MIER1: variants seen among roughly 807,000 people sequenced by gnomAD.
The protein encoded by MIER1 is MIER1 transcriptional regulator.
Under a neutral mutation model 75.7 loss-of-function variants are expected in MIER1, and 40 were observed. That is an observed-to-expected ratio of 0.53 (90% CI 0.41 to 0.69). The LOEUF (loss-of-function observed/expected upper bound fraction) is 0.69. Among genes scored for constraint, MIER1 ranks in the 30% least tolerant of loss-of-function variants. MIER1 has a pLI of 0.00. For missense variants in MIER1, 574 were observed against 680.2 expected (o/e 0.84, Z 1.74); for synonymous variants, 213 against 223.4 (o/e 0.95, Z 0.42).
At chr1:66,927,046 G>A (rs1321289841) in intron 2 of MIER1, among the ~76,000 whole-genome samples, 1 of 152,180 alleles carries the variant, frequency 6.6e-6, no homozygotes, top group East Asian at 1.9e-4. Flanking sequence ...ACTGGTTGAA[G>A]TAAGATTGTG....
At chr1:66,943,011 G>C (rs1456030142) in intron 3 of MIER1, among the ~76,000 whole-genome samples, 1 of 152,158 alleles carries the variant, frequency 6.6e-6, no homozygotes, top group African/African-American at 2.4e-5. Context: ...GATAATACCT[G>C]TGTCTAATTA....
At chr1:66,926,535 T>A (rs1651829121) in intron 2 of MIER1, among the ~76,000 whole-genome samples, 1 of 152,136 alleles carries the variant, frequency 6.6e-6, no homozygotes. Flanking sequence ...AGAGTGGCAT[T>A]AATAACAAAA....
chr1:66,945,651 T>C (rs1242542230), intron 3 of MIER1, among the ~76,000 whole-genome samples: 1 of 152,122 alleles, frequency 6.6e-6, no homozygotes, highest in Admixed American at 6.5e-5. Flanking sequence ...TGCTTGAGCC[T>C]GGGAGTTCAA....
rs575047842 is a variant in MIER1 at position 66,982,362 on chromosome 1, A to G, written c.1369+444A>G. Among the ~76,000 whole-genome samples the G allele has an allele frequency of 2.0e-5, 3 of 152,330 alleles. No individual in the cohort carries two copies. In the South Asian group the frequency reaches 6.2e-4, roughly 32 times the overall value. ...CTTTGATAGCATAATAACCTTGAAT[A>G]ATGAGAAAAGATAAAGCCGGTATCA... On this transcript the variant is annotated intron_variant, in intron 13 of 13. Coordinates refer to ENST00000401041, the MANE Select transcript of MIER1 (RefSeq NM_001077700.3).
intron 7 of MIER1, among the ~76,000 whole-genome samples, chr1:66,962,860 T>G (rs1158530570): frequency 6.6e-6 from 1 of 152,198 alleles, no homozygotes; most frequent in Non-Finnish European, 1.5e-5. Flanking sequence ...AAATAAAGTT[T>G]GTATTTATTG....
At chr1:66,928,265 T>C (rs1652295542) in intron 2 of MIER1, among the ~76,000 whole-genome samples, 1 of 152,174 alleles carries the variant, frequency 6.6e-6, no homozygotes, top group Admixed American at 6.5e-5. Flanking sequence ...CAGAAATGTT[T>C]CAGACTTCCA....
intron 11 of MIER1, among the ~76,000 whole-genome samples, chr1:66,973,835 A>T (rs1022352191): frequency 6.6e-6 from 1 of 152,078 alleles, no homozygotes; most frequent in Non-Finnish European, 1.5e-5. Context: ...GTATTGGTTT[A>T]TGTAATTCCT....
chr1:66,930,508 C>A (rs545054794), intron 2 of MIER1: 3 of 1,166,236 alleles, frequency 2.6e-6, no homozygotes, highest in African/African-American at 3.2e-5. Flanking sequence ...CTGCTGGCGC[C>A]GCTGCCCACC....
intron 11 of MIER1, 53 bp downstream of exon 11, chr1:66,973,044 A>G: frequency 1.1e-6 from 1 of 913,562 alleles, no homozygotes; most frequent in African/African-American, 1.6e-5. Context: ...GAACAACTCA[A>G]ATGGTCATGT....
chr1:66,985,033 A>G lies in MIER1; in HGVS notation c.*133A>G. On this transcript the variant is annotated 3_prime_UTR_variant, in exon 14 of 14. Coordinates refer to ENST00000401041, the MANE Select transcript of MIER1 (RefSeq NM_001077700.3). ...TTGAATTGAGTCTTAACTTTAGGAA[A>G]TGAGGTTTCATAATTCTGCCTTTTG... The G allele has an allele frequency of 1.4e-6, 2 of 1,387,710 alleles. No homozygotes were observed. The highest frequency in any genetic ancestry group is 5.4e-5 in the East Asian group (2 of 37,184). 86.0% of individuals were successfully genotyped at this position (1,387,710 alleles called of 1,614,324 possible). A position where few individuals can be genotyped will look rare whatever the true frequency, so the allele number is the denominator to read the frequency against.
chr1:66,954,348 C>G (rs185045949), intron 4 of MIER1, among the ~76,000 whole-genome samples: 3 of 152,146 alleles, frequency 2.0e-5, no homozygotes, highest in Non-Finnish European at 4.4e-5. Context: ...TTAAAAATTA[C>G]GTAAAACTAG....
chr1:66,983,474 A>G (rs1666290880), intron 13 of MIER1, among the ~76,000 whole-genome samples: 1 of 150,512 alleles, frequency 6.6e-6, no homozygotes, highest in Non-Finnish European at 1.5e-5. Context: ...TGCACCCTAT[A>G]TTTTACTTCT....
intron 2 of MIER1, among the ~76,000 whole-genome samples, chr1:66,935,124 T>A (rs1054286878): frequency 6.6e-6 from 1 of 152,232 alleles, no homozygotes; most frequent in African/African-American, 2.4e-5. Flanking sequence ...TGTTAGGGTT[T>A]TTTTGGTGAA....
rs780875276 is a variant in MIER1 at position 66,946,269 on chromosome 1, A to G, written c.313A>G (p.Ser105Gly). 3 of 1,609,496 alleles carry G rather than the reference A, an allele frequency of 1.9e-6. No individual in the cohort carries two copies. The highest frequency in any genetic ancestry group is 1.7e-5 in the Admixed American group (1 of 58,552). ...EEMMEGETNF[S>G]SEIEDLAREG... ...AATGATGGAAGGAGAAACAAACTTC[A>G]GCTCTGAAATAGAAGATCTTGCAAG... is the stretch of plus-strand genomic sequence containing the variant. The change falls in exon 4 of 14, where the codon AGC (serine) becomes GGC (glycine). Residue 105 changes from serine to glycine, a missense_variant. Coordinates refer to ENST00000401041, the MANE Select transcript of MIER1 (RefSeq NM_001077700.3).
chr1:66,945,673 G>A (rs1389968828), intron 3 of MIER1, among the ~76,000 whole-genome samples: 2 of 152,082 alleles, frequency 1.3e-5, no homozygotes, highest in Non-Finnish European at 2.9e-5. Flanking sequence ...ACCAGCCAGG[G>A]CAACATAGCA....
At chr1:66,957,108 A>G (rs1486749065) in intron 4 of MIER1, among the ~76,000 whole-genome samples, 1 of 152,190 alleles carries the variant, frequency 6.6e-6, no homozygotes, top group African/African-American at 2.4e-5. Flanking sequence ...GCATGAGTGT[A>G]TAATATGTTC....
chr1:66,985,043 A>G lies in MIER1; in HGVS notation c.*143A>G, dbSNP rs1666600438. 7.2e-7 allele frequency: 1 copy of G among 1,380,224 alleles called. No individual in the cohort carries two copies. The highest frequency in any genetic ancestry group is 9.4e-7 in the Non-Finnish European group (1 of 1,066,800). The allele number at this position is 1,380,224 out of a possible 1,614,324, so 85.5% of individuals were successfully genotyped here. On this transcript the variant is annotated 3_prime_UTR_variant, in exon 14 of 14. Transcript: ENST00000401041. ...TCTTAACTTTAGGAAATGAGGTTTC[A>G]TAATTCTGCCTTTTGCAGATTTTTT...
At chr1:66,983,136 G>A (rs753343275) in intron 13 of MIER1, among the ~76,000 whole-genome samples, 4 of 152,056 alleles carry the variant, frequency 2.6e-5, no homozygotes, top group South Asian at 2.1e-4. Flanking sequence ...TCAACATTAC[G>A]TACAGTCAAA....
chr1:66,972,263 G>T (rs5026596), intron 10 of MIER1, among the ~76,000 whole-genome samples: 5,544 of 25,670 alleles, frequency 0.22, 229 homozygotes, highest in African/African-American at 0.47. Flanking sequence ...TATATATATA[G>T]ATATGTAACA....
Sources: allele counts gnomAD v4.1 joint callset (sites outside exome capture counted in the v4.1 genomes callset), GRCh38; gene constraint gnomAD v4.1.1; transcripts MANE v1.5; gene names NCBI Gene and HGNC (gene_info 2026-07-23, HGNC 2026-07-21).